Variants in PGR observed in about 807,000 individuals in gnomAD.
PGR encodes progesterone receptor.
A neutral mutation model predicts 76.1 loss-of-function variants in PGR; 25 were observed. That is an observed-to-expected ratio of 0.33 (90% CI 0.24 to 0.46). The LOEUF is 0.46. Ranked by LOEUF, PGR falls within the 20% of genes least tolerant of loss-of-function variation. The pLI, the probability that PGR is intolerant of heterozygous loss-of-function variation, is 1.00. For missense variants in PGR, 1,172 were observed against 1,225.3 expected (o/e 0.96, Z 0.65); for synonymous variants, 579 against 535.0 (o/e 1.08, Z -1.14).
chr11:101,126,052 G>A lies in PGR; in HGVS notation c.1744C>T (p.Leu582Phe), dbSNP rs144880156. Residue 582 changes from leucine (L) to phenylalanine (F), a missense_variant, in exon 2 of 8, where the codon CTT (leucine) becomes TTT (phenylalanine). Physicochemically the swap from Leu to Phe is conservative, Grantham distance 22. Around this residue, in one of 4 missense-constraint regions of PGR, gnomAD observed 40 missense variants for 82.7 expected, o/e 0.48. Coordinates refer to ENST00000325455, the MANE Select transcript of PGR (RefSeq NM_000926.4). Reference protein sequence around the residue: ...DEASGCHYGVLTCGSCKVFFK... With the variant: ...DEASGCHYGVFTCGSCKVFFK... ...AAGACCTTACAGCTCCCACAGGTAAGGACACCATAATGACAGCCTGATGCT... is the reference window on the plus strand; with the variant it reads ...AAGACCTTACAGCTCCCACAGGTAAAGACACCATAATGACAGCCTGATGCT... The A allele has an allele frequency of 3.1e-6, 5 of 1,614,046 alleles. No homozygotes were observed. Among genetic ancestry groups the A allele is most frequent in the Non-Finnish European group, 4.2e-6 (5 of 1,179,974 alleles).
chr11:101,049,980 C>T lies in PGR; in HGVS notation c.2437G>A (p.Val813Ile), dbSNP rs769847031. ...ATACAGAGGAACTCTTCTTGGCTAACTTGAAGCTTGACAAACTCCTGTGGG... is the reference window on the plus strand; with the variant it reads ...ATACAGAGGAACTCTTCTTGGCTAATTTGAAGCTTGACAAACTCCTGTGGG... ...QIPQEFVKLQ[V>I]SQEEFLCMKV... The change falls in exon 6 of 8, where the codon GTT becomes ATT. Residue 813 changes from valine (V) to isoleucine (I), a missense_variant. Transcript: ENST00000325455. 3.1e-6 allele frequency: 5 copies of T among 1,612,608 alleles called. No individual in the cohort carries two copies. Among genetic ancestry groups the T allele is most frequent in the Non-Finnish European group, 4.2e-6 (5 of 1,179,062 alleles).
At chr11:101,114,251 C>T (rs144070870) in intron 2 of PGR, among the ~76,000 whole-genome samples, 17 of 152,194 alleles carry the variant, frequency 1.1e-4, no homozygotes, top group African/African-American at 2.9e-4. Flanking sequence ...ATTTCTGCAA[C>T]GTGTTTATGT....
chr11:101,126,321 C>G (rs1343627944), intron 1 of PGR, among the ~76,000 whole-genome samples, 163 bp from the exon 2 acceptor site: 1 of 152,078 alleles, frequency 6.6e-6, no homozygotes, highest in Non-Finnish European at 1.5e-5. Flanking sequence ...ATAGACTATC[C>G]GTAACTGGAT....
chr11:101,127,923 G>A lies in PGR; in HGVS notation c.1148C>T (p.Pro383Leu). ...CTCCTCCTCCTTTATCTTTAGAGCG[G>A]GCGGCTGGAAGTCGCTATAGAGAGG... ...AYPLYSDFQP[P>L]ALKIKEEEEG... is the part of the protein sequence containing the mutation. The change falls in exon 1 of 8, where the codon CCC becomes CTC. Residue 383 changes from proline (P) to leucine (L), a missense_variant. Transcript: ENST00000325455. 6.2e-7 allele frequency: 1 copy of A among 1,611,582 alleles called. No homozygotes were observed. Among genetic ancestry groups the A allele is most frequent in the African/African-American group, 1.3e-5 (1 of 74,976 alleles).
intron 6 of PGR, among the ~76,000 whole-genome samples, chr11:101,043,741 T>A (rs1206114818): frequency 1.3e-5 from 2 of 152,176 alleles, no homozygotes; most frequent in African/African-American, 2.4e-5. Flanking sequence ...CTTGTATATA[T>A]CCATAAGAGC....
At chr11:101,040,052 C>T (rs1432057699) in intron 7 of PGR, among the ~76,000 whole-genome samples, 1 of 151,832 alleles carries the variant, frequency 6.6e-6, no homozygotes, top group African/African-American at 2.4e-5. Flanking sequence ...CAATATCCAG[C>T]ATTTATATCA....
intron 6 of PGR, among the ~76,000 whole-genome samples, chr11:101,046,370 C>T (rs1201281104): frequency 1.6e-5 from 2 of 123,862 alleles, no homozygotes; most frequent in Non-Finnish European, 3.2e-5. Context: ...CTAGGCTGGT[C>T]TCAAACTCCT....
At chr11:101,099,718 A>G (rs1244573739) in intron 2 of PGR, among the ~76,000 whole-genome samples, 1 of 152,188 alleles carries the variant, frequency 6.6e-6, no homozygotes, top group Non-Finnish European at 1.5e-5. Flanking sequence ...GATTACAGTT[A>G]GAGGCTCTCA....
In PGR at chr11:101,031,360, C is replaced by CA. The variant is rs1484046810; in HGVS notation, c.*7755dup. 4 of 223,376 alleles carry CA rather than the reference C, an allele frequency of 1.8e-5. No homozygotes were observed. Among genetic ancestry groups the CA allele is most frequent in the Non-Finnish European group, 2.7e-5 (3 of 112,020 alleles). 13.8% of individuals were successfully genotyped at this position (223,376 alleles called of 1,614,324 possible). A position where few individuals can be genotyped will look rare whatever the true frequency, so the allele number is the denominator to read the frequency against. The stretch of plus-strand genomic sequence containing the variant: ...ACCTCCTTCCCACAGCTACCATGTA[C>CA]ATACAGTAAGCTTCTGCCTTCCCAG... On this transcript the variant is annotated 3_prime_UTR_variant, in exon 8 of 8. Transcript: ENST00000325455.
At position 101,070,885 on chromosome 11, in the gene PGR, G is replaced by T. The variant is rs1031286386; in HGVS notation, c.1907-8133C>A. Among the ~76,000 whole-genome samples, 3 of 152,226 alleles carry T rather than the reference G, an allele frequency of 2.0e-5. No homozygotes were observed. In the East Asian group the frequency reaches 5.8e-4, roughly 29 times the overall value. On this transcript the variant is annotated intron_variant, in intron 3 of 7. Transcript: ENST00000325455. ...AGAGAACCTGGGGGAAGGGGTGGCT[G>T]TGGGCGCAGCTTCAGCAGACTTAAA...
At chr11:101,064,228 G>A (rs886617479) in intron 3 of PGR, among the ~76,000 whole-genome samples, 2 of 149,936 alleles carry the variant, frequency 1.3e-5, no homozygotes, top group African/African-American at 4.9e-5. Context: ...TTACTCCAGA[G>A]GCTGAGGCAG....
At position 101,042,407 on chromosome 11, in the gene PGR, C is replaced by A. The variant is rs574377793; in HGVS notation, c.2489-305G>T. ...GCATTTGCTCAAAAGAGAACCTGGC[C>A]TTATTCTACATGCTTCTTAAATACT... On this transcript the variant is annotated intron_variant, in intron 6 of 7. Coordinates refer to ENST00000325455, the MANE Select transcript of PGR (RefSeq NM_000926.4). Among the ~76,000 whole-genome samples the A allele has an allele frequency of 3.3e-5, 5 of 152,180 alleles. No homozygotes were observed. The South Asian group carries it at 1.0e-3, about 32-fold the overall frequency.
intron 3 of PGR, among the ~76,000 whole-genome samples, chr11:101,064,331 C>CAAAAAAAAAAAAAAAAAAAAAA (rs10556132): frequency 7.6e-5 from 3 of 39,448 alleles, no homozygotes; most frequent in African/African-American, 4.1e-4. Context: ...AACTCCACCT[C>CAAAAAAAAAAAAAAAAAAAAAA]AAAAAAAAAA....
At chr11:101,100,182 G>A (rs1861954718) in intron 2 of PGR, among the ~76,000 whole-genome samples, 1 of 152,060 alleles carries the variant, frequency 6.6e-6, no homozygotes, top group African/African-American at 2.4e-5. Flanking sequence ...TCATGGGGGT[G>A]GTTTCCCCCC....
intron 4 of PGR, among the ~76,000 whole-genome samples, chr11:101,054,671 G>C (rs1860226763): frequency 6.6e-6 from 1 of 152,074 alleles, no homozygotes; most frequent in Admixed American, 6.6e-5. Context: ...TTCCAGTCCT[G>C]GCTCTACCAC....
At chr11:101,121,315 G>A (rs763272619) in intron 2 of PGR, among the ~76,000 whole-genome samples, 4 of 152,134 alleles carry the variant, frequency 2.6e-5, no homozygotes, top group Non-Finnish European at 5.9e-5. Flanking sequence ...AGAGATTGCT[G>A]GATGATCTGT....
rs547807278 is a variant in PGR, at chr11:101,036,678, C to A, written c.*2438G>T. 10 of 201,426 alleles carry A rather than the reference C, an allele frequency of 5.0e-5. No homozygotes were observed. The South Asian group carries it at 1.5e-3, about 31-fold the overall frequency. 12.5% of individuals were successfully genotyped at this position (201,426 alleles called of 1,614,324 possible). A position where few individuals can be genotyped will look rare whatever the true frequency, so the allele number is the denominator to read the frequency against. ...TAAAGCTTAGCCTTAAATATTAAAT[C>A]CTAGTGTTTAGACATCTACATTGCA... On this transcript the variant is annotated 3_prime_UTR_variant, in exon 8 of 8. Coordinates refer to ENST00000325455, the MANE Select transcript of PGR (RefSeq NM_000926.4).
Position 101,038,558 on chromosome 11 carries a change from A to G in PGR, c.*558T>C, listed in dbSNP as rs1242853612. The G allele has an allele frequency of 8.7e-6, 2 of 229,808 alleles. No homozygotes were observed. Among genetic ancestry groups the G allele is most frequent in the African/African-American group, 4.4e-5 (2 of 45,136 alleles). 14.2% of individuals were successfully genotyped at this position (229,808 alleles called of 1,614,324 possible). A position where few individuals can be genotyped will look rare whatever the true frequency, so the allele number is the denominator to read the frequency against. On this transcript the variant is annotated 3_prime_UTR_variant, in exon 8 of 8. Transcript: ENST00000325455. The stretch of plus-strand genomic sequence containing the variant: ...TGTTTTGCCTAGTTTGAAGAACATC[A>G]ATCTATTTTAGTGGTTTTAAACTCT...
intron 2 of PGR, among the ~76,000 whole-genome samples, chr11:101,103,923 A>C (rs916570745): frequency 6.6e-6 from 1 of 152,216 alleles, no homozygotes; most frequent in African/African-American, 2.4e-5. Context: ...TATAACCTTG[A>C]GCAGATCATT....
Sources: gnomAD v4.1 joint callset for allele counts (sites outside exome capture counted in the v4.1 genomes callset) on GRCh38, gnomAD v4.1.1 for gene constraint, gnomAD v4.1.1 regional missense constraint, MANE v1.5 for transcripts, NCBI Gene and HGNC (gene_info 2026-07-23, HGNC 2026-07-21) for gene names.